GRID2: variants seen among roughly 807,000 people sequenced by gnomAD.
GRID2 encodes the protein glutamate ionotropic receptor delta type subunit 2, also known as glutamate receptor ionotropic, delta-2.
GRID2 carries 33 observed loss-of-function variants against 114.8 expected under a neutral mutation model. The observed-to-expected ratio is 0.29, with a 90% CI of 0.22 to 0.38. The LOEUF is 0.38. GRID2 is among the 10% of genes least tolerant of loss of function. GRID2 has a pLI of 1.00. For synonymous variants in GRID2, 505 were observed against 449.9 expected (o/e 1.12, Z -1.55); for missense variants, 1,184 against 1,257.7 (o/e 0.94, Z 0.89).
intron 14 of GRID2, among the ~76,000 whole-genome samples, chr4:93,682,947 A>T (rs1323020151): frequency 6.6e-6 from 1 of 151,710 alleles, no homozygotes; most frequent in African/African-American, 2.4e-5. Flanking sequence ...TAAAAAAAAA[A>T]GAAAGAAAAG....
chr4:93,224,274 C>T (rs1337915629), intron 6 of GRID2, among the ~76,000 whole-genome samples: 2 of 152,134 alleles, frequency 1.3e-5, no homozygotes, highest in Admixed American at 6.6e-5. Context: ...CAATCTTAAA[C>T]CCTTAGATTC....
chr4:92,889,573 C>T (rs1352930278), intron 2 of GRID2, among the ~76,000 whole-genome samples: 1 of 151,884 alleles, frequency 6.6e-6, no homozygotes. Flanking sequence ...CAGGATGTGA[C>T]AGTCCTTTTC....
intron 1 of GRID2, among the ~76,000 whole-genome samples, chr4:92,553,107 G>A (rs1726676646): frequency 6.6e-6 from 1 of 152,080 alleles, no homozygotes; most frequent in Non-Finnish European, 1.5e-5. Context: ...AAGGCTAAGA[G>A]GCCATAATTT....
intron 2 of GRID2, among the ~76,000 whole-genome samples, chr4:92,901,056 A>G (rs1205760203): frequency 1.3e-5 from 2 of 152,030 alleles, no homozygotes; most frequent in African/African-American, 2.4e-5. Flanking sequence ...GGTATATTTT[A>G]TACAATAATT....
intron 2 of GRID2, among the ~76,000 whole-genome samples, chr4:92,921,395 G>T (rs962548282): frequency 3.3e-5 from 5 of 152,136 alleles, no homozygotes; most frequent in African/African-American, 7.2e-5. Flanking sequence ...CTGTTGAGGA[G>T]CTGTGTTCCT....
rs561140816 is a variant in GRID2, at chr4:92,980,025, G to T, written c.245-104970G>T. 2.6e-4 allele frequency among the ~76,000 whole-genome samples: 40 copies of T among 152,168 alleles called. No homozygotes were observed. The South Asian group carries it at 2.9e-3, about 11-fold the overall frequency. On this transcript the variant is annotated intron_variant, in intron 2 of 15. Transcript: ENST00000282020. ...GGAGTCTTTTTATTTGCTGGGTTGT[G>T]ATTTTTTCCAGGTTATATGTTATTC...
At chr4:93,630,135 T>G (rs907169026) in intron 14 of GRID2, among the ~76,000 whole-genome samples, 1 of 152,224 alleles carries the variant, frequency 6.6e-6, no homozygotes, top group Non-Finnish European at 1.5e-5. Flanking sequence ...TTTTGCTTCC[T>G]TTTGTGTCCT....
intron 1 of GRID2, among the ~76,000 whole-genome samples, chr4:92,547,722 A>T (rs964716392): frequency 6.6e-6 from 1 of 152,026 alleles, no homozygotes; most frequent in Non-Finnish European, 1.5e-5. Flanking sequence ...ATGCACACAC[A>T]ACTTGCAGCT....
intron 14 of GRID2, among the ~76,000 whole-genome samples, chr4:93,649,192 G>T (rs918093936): frequency 2.0e-5 from 3 of 152,046 alleles, no homozygotes; most frequent in African/African-American, 7.2e-5. Context: ...TTCTGTGCCT[G>T]TTGTTCCTTT....
chr4:93,116,201 C>A (rs1733235761), intron 4 of GRID2, among the ~76,000 whole-genome samples: 1 of 152,118 alleles, frequency 6.6e-6, no homozygotes, highest in Non-Finnish European at 1.5e-5. Flanking sequence ...ATTGTAAAGA[C>A]AATATACTAG....
At chr4:92,330,749 A>G (rs1726842704) in intron 1 of GRID2, among the ~76,000 whole-genome samples, 1 of 151,990 alleles carries the variant, frequency 6.6e-6, no homozygotes, top group Non-Finnish European at 1.5e-5. Flanking sequence ...ATATATATAT[A>G]ATCATATAGC....
At chr4:93,336,828 T>C (rs986417079) in intron 8 of GRID2, among the ~76,000 whole-genome samples, 1 of 152,220 alleles carries the variant, frequency 6.6e-6, no homozygotes, top group Non-Finnish European at 1.5e-5. Flanking sequence ...TGATTTTTCA[T>C]ATCAAAGTCC....
At chr4:93,091,935 T>A (rs1730830486) in intron 3 of GRID2, among the ~76,000 whole-genome samples, 1 of 152,110 alleles carries the variant, frequency 6.6e-6, no homozygotes, top group Non-Finnish European at 1.5e-5. Flanking sequence ...CAGAATGAAA[T>A]TTTGAAATTA....
chr4:92,982,051 A>AG (rs1560767302), intron 2 of GRID2, among the ~76,000 whole-genome samples: 2 of 149,026 alleles, frequency 1.3e-5, no homozygotes, highest in African/African-American at 5.0e-5. Context: ...AAAAAGAAAA[A>AG]GAAAAAAGAA....
intron 13 of GRID2, among the ~76,000 whole-genome samples, chr4:93,592,283 C>G (rs1738442171): frequency 6.6e-6 from 1 of 152,042 alleles, no homozygotes; most frequent in Non-Finnish European, 1.5e-5. Flanking sequence ...TTTCAAAGAA[C>G]ATCTTTATTT....
chr4:92,402,870 C>G (rs1730854736), intron 1 of GRID2, among the ~76,000 whole-genome samples: 1 of 152,164 alleles, frequency 6.6e-6, no homozygotes, highest in African/African-American at 2.4e-5. Context: ...CTATGAAAGT[C>G]CTACATGGCA....
intron 2 of GRID2, among the ~76,000 whole-genome samples, chr4:93,005,062 A>C (rs150569778): frequency 6.6e-6 from 1 of 152,008 alleles, no homozygotes; most frequent in African/African-American, 2.4e-5. Flanking sequence ...GTGATTTGTA[A>C]ATTTACCAGT....
chr4:93,197,541 A>G (rs1741622969), intron 4 of GRID2, among the ~76,000 whole-genome samples: 1 of 152,228 alleles, frequency 6.6e-6, no homozygotes. Flanking sequence ...TACTGTAAAT[A>G]GCATTCAATA....
intron 14 of GRID2, among the ~76,000 whole-genome samples, chr4:93,696,159 C>T (rs1316632322): frequency 6.6e-6 from 1 of 152,196 alleles, no homozygotes; most frequent in African/African-American, 2.4e-5. Flanking sequence ...GATCTATATA[C>T]TGACCATGTT....
Sources: allele counts gnomAD v4.1 joint callset (sites outside exome capture counted in the v4.1 genomes callset), GRCh38; gene constraint gnomAD v4.1.1; transcripts MANE v1.5; gene names NCBI Gene and HGNC (gene_info 2026-07-23, HGNC 2026-07-21).